The following CEP85L variants were observed in gnomAD, a reference collection of about 807,000 sequenced individuals.
CEP85L encodes the protein centrosomal protein of 85 kDa-like.
Under a neutral mutation model 100.3 loss-of-function variants are expected in CEP85L, and 60 were observed. That is an observed-to-expected ratio of 0.60 (90% CI 0.49 to 0.74). CEP85L has a LOEUF of 0.74. Ranked by LOEUF, CEP85L falls within the 30% of genes least tolerant of loss-of-function variation. CEP85L has a pLI of 0.00. For missense variants in CEP85L, 973 were observed against 936.2 expected, an observed-to-expected ratio of 1.04 and a Z score of -0.51; for synonymous variants, 319 against 322.7, an observed-to-expected ratio of 0.99 and a Z score of 0.12.
intron 1 of CEP85L, among the ~76,000 whole-genome samples, chr6:118,707,440 C>T (rs373375327): frequency 2.5e-4 from 38 of 152,208 alleles, no homozygotes; most frequent in Non-Finnish European, 5.0e-4. Flanking sequence ...GCAATCCTCC[C>T]GCCTCGGCCT....
At chr6:118,515,700 T>C (rs1776232733) in intron 4 of CEP85L, among the ~76,000 whole-genome samples, 1 of 152,132 alleles carries the variant, frequency 6.6e-6, no homozygotes, top group Admixed American at 6.5e-5. Context: ...TGAACAAAAA[T>C]GAAAACCAAA....
chr6:118,570,551 T>C (rs753829146), intron 2 of CEP85L, among the ~76,000 whole-genome samples: 5 of 152,174 alleles, frequency 3.3e-5, no homozygotes, highest in Non-Finnish European at 5.9e-5. Context: ...ATATATGCTG[T>C]CCATAGACTA....
intron 1 of CEP85L, among the ~76,000 whole-genome samples, chr6:118,668,137 C>T (rs1012349477): frequency 3.9e-5 from 6 of 152,294 alleles, no homozygotes; most frequent in Middle Eastern, 3.4e-3. Context: ...GAAGACAGAG[C>T]TCTAACCATT....
chr6:118,614,185 T>TA (rs1165243537), intron 2 of CEP85L, among the ~76,000 whole-genome samples: 5 of 152,274 alleles, frequency 3.3e-5, no homozygotes, highest in East Asian at 1.9e-4. Context: ...CTATTCATGA[T>TA]AAAAACCCTC....
intron 3 of CEP85L, chr6:118,558,682 GA>G (rs1187818301): frequency 1.5e-5 from 8 of 533,548 alleles, no homozygotes; most frequent in African/African-American, 5.8e-5. Context: ...GAGAGAGAGA[GA>G]GAGAGGGAGA....
intron 12 of CEP85L, 143 bp downstream of exon 12, chr6:118,468,929 C>G: frequency 1.6e-6 from 1 of 616,596 alleles, no homozygotes; most frequent in Admixed American, 2.9e-5. Context: ...GAAGTAATAA[C>G]AGGTATACAT....
chr6:118,479,872 T>C lies in CEP85L; in HGVS notation c.1913A>G (p.Gln638Arg). ...AAATAAGCACAAAATATTCCTTACC[T>C]GAATTTCTAAAATCATTCTGTCAAT... Reference protein sequence around the residue: ...DEIDRMILEIQSMQGKLSKEK... With the variant: ...DEIDRMILEIRSMQGKLSKEK... The change falls in exon 10 of 13, where the codon CAG becomes CGG. Residue 638 changes from glutamine (Q) to arginine (R), a missense_variant and splice_region_variant. By Grantham distance (43) the Gln-to-Arg change is conservative. This residue lies in a region of CEP85L where 890 missense variants were observed against 844.5 expected (regional missense o/e 1.05). Coordinates refer to ENST00000368491, the MANE Select transcript of CEP85L (RefSeq NM_001042475.3). 6.7e-7 allele frequency: 1 copy of C among 1,481,988 alleles called. No individual in the cohort carries two copies. Among genetic ancestry groups the C allele is most frequent in the Non-Finnish European group, 9.2e-7 (1 of 1,081,884 alleles). The allele number at this position is 1,481,988 out of a possible 1,614,324, so 91.8% of individuals were successfully genotyped here. A position where few individuals can be genotyped will look rare whatever the true frequency, so the allele number is the denominator to read the frequency against.
rs1473759935 is a variant in CEP85L, at chr6:118,464,770, A to T, written c.*635T>A. 6.9e-6 allele frequency: 1 copy of T among 144,198 alleles called. No individual in the cohort carries two copies. The highest frequency in any genetic ancestry group is 2.6e-5 in the African/African-American group (1 of 38,590). The allele number at this position is 144,198 out of a possible 1,614,324, so 8.9% of individuals were successfully genotyped here. On this transcript the variant is annotated 3_prime_UTR_variant, in exon 13 of 13. Transcript: ENST00000368491. ...CACAATCACTCTGGAAAAACAGCTG[A>T]CCTATCTACAGTACTAAAATCAGCT... is the stretch of plus-strand genomic sequence containing the variant.
At chr6:118,505,674 A>C (rs1048415831) in intron 5 of CEP85L, among the ~76,000 whole-genome samples, 1 of 152,226 alleles carries the variant, frequency 6.6e-6, no homozygotes, top group Non-Finnish European at 1.5e-5. Context: ...TTCCAATTAC[A>C]TAACATTCTG....
At chr6:118,517,185 C>A (rs1334051745) in intron 4 of CEP85L, among the ~76,000 whole-genome samples, 1 of 152,190 alleles carries the variant, frequency 6.6e-6, no homozygotes, top group African/African-American at 2.4e-5. Flanking sequence ...GTGATGCCTC[C>A]AGCTTTGTTC....
chr6:118,567,245 G>GCA (rs2115006219), intron 2 of CEP85L, among the ~76,000 whole-genome samples: 1 of 31,642 alleles, frequency 3.2e-5, no homozygotes, highest in East Asian at 6.1e-4. Flanking sequence ...GTGTGTGTGT[G>GCA]TGTGTATATA....
chr6:118,697,243 A>T (rs578036084), intron 1 of CEP85L, among the ~76,000 whole-genome samples: 4 of 152,312 alleles, frequency 2.6e-5, no homozygotes, highest in South Asian at 2.1e-4. Flanking sequence ...GTTCACAAAG[A>T]AGGGGTATAG....
chr6:118,623,770 GAT>G (rs1773599684), intron 2 of CEP85L, among the ~76,000 whole-genome samples: 1 of 152,190 alleles, frequency 6.6e-6, no homozygotes, highest in Non-Finnish European at 1.5e-5. Flanking sequence ...TTTGGTCAAA[GAT>G]ATAATAACTT....
intron 2 of CEP85L, among the ~76,000 whole-genome samples, chr6:118,632,118 T>C (rs535985107): frequency 1.3e-5 from 2 of 151,132 alleles, no homozygotes; most frequent in Non-Finnish European, 3.0e-5. Flanking sequence ...GCCTCTCAAG[T>C]AGCTGGGACT....
rs1437658263 is a variant in CEP85L, at chr6:118,651,568, C to A, written c.-299G>T. 2 of 1,175,334 alleles carry A rather than the reference C, an allele frequency of 1.7e-6. No individual in the cohort carries two copies. Among genetic ancestry groups the A allele is most frequent in the Admixed American group, 9.4e-5 (2 of 21,378 alleles). 72.8% of individuals were successfully genotyped at this position (1,175,334 alleles called of 1,614,324 possible). On this transcript the variant is annotated 5_prime_UTR_variant, in exon 1 of 13. Coordinates refer to ENST00000368491, the MANE Select transcript of CEP85L (RefSeq NM_001042475.3). ...TGAGCCCAGGCTCAAAGGCTCCAGGCGAAGTTGCAGCTGCGGGTTCTCTCC... is the reference window on the plus strand; with the variant it reads ...TGAGCCCAGGCTCAAAGGCTCCAGGAGAAGTTGCAGCTGCGGGTTCTCTCC...
At chr6:118,475,651 G>C (rs764563367) in intron 10 of CEP85L, among the ~76,000 whole-genome samples, 20 of 152,094 alleles carry the variant, frequency 1.3e-4, no homozygotes, top group Non-Finnish European at 2.5e-4. Context: ...ACCACGCCCG[G>C]TGACTTATAT....
intron 6 of CEP85L, among the ~76,000 whole-genome samples, chr6:118,485,541 G>C (rs972458002): frequency 2.0e-5 from 3 of 152,178 alleles, no homozygotes; most frequent in Admixed American, 6.5e-5. Context: ...AAAGGTAAAT[G>C]TGCTGGTGTG....
At chr6:118,709,429 C>T (rs1483424603) in intron 1 of CEP85L, among the ~76,000 whole-genome samples, 1 of 152,052 alleles carries the variant, frequency 6.6e-6, no homozygotes. Flanking sequence ...CATGCGGCTC[C>T]CCACTCGGCT....
chr6:118,477,699 A>G (rs1219213165), intron 10 of CEP85L, among the ~76,000 whole-genome samples: 1 of 152,154 alleles, frequency 6.6e-6, no homozygotes, highest in Non-Finnish European at 1.5e-5. Flanking sequence ...GCAGTAACAC[A>G]TGAAATTCTA....
Sources: allele counts gnomAD v4.1 joint callset (sites outside exome capture counted in the v4.1 genomes callset), GRCh38; gene constraint gnomAD v4.1.1; regional missense constraint gnomAD v4.1.1; transcripts MANE v1.5; gene names NCBI Gene and HGNC (gene_info 2026-07-23, HGNC 2026-07-21).